SYNE1: variants seen among roughly 807,000 people sequenced by gnomAD.
SYNE1 encodes the protein spectrin repeat containing nuclear envelope protein 1, also known as nesprin-1.
Under a neutral mutation model 1,111.0 loss-of-function variants are expected in SYNE1, and 616 were observed. The observed-to-expected ratio is 0.55, with a 90% confidence interval of 0.52 to 0.59. The LOEUF (loss-of-function observed/expected upper bound fraction) is 0.59, where lower values mean the gene tolerates loss of function less well. SYNE1 is among the 20% of genes least tolerant of loss of function. The pLI is 0.00. For synonymous variants in SYNE1, 3,855 were observed against 3,825.8 expected (o/e 1.01, Z -0.28); for missense variants, 10,006 against 10,417.0 (o/e 0.96, Z 1.72).
chr6:152,434,104 G>A, intron 33 of SYNE1, 159 bp from the exon 34 acceptor site: 1 of 662,150 alleles, frequency 1.5e-6, no homozygotes, highest in South Asian at 2.0e-5. Flanking sequence ...CAGTTGTTCT[G>A]AGTAGTTTAT....
chr6:152,336,305 T>C (rs1300516583), intron 76 of SYNE1: 2 of 180,384 alleles, frequency 1.1e-5, no homozygotes, highest in African/African-American at 4.8e-5. Context: ...AGTAATATAT[T>C]TGAATGTCTA....
chr6:152,495,944 T>A (rs1191321504), intron 11 of SYNE1, among the ~76,000 whole-genome samples: 1 of 152,208 alleles, frequency 6.6e-6, no homozygotes, highest in Non-Finnish European at 1.5e-5. Flanking sequence ...ATTTCTTTTG[T>A]GGCACAGAAA....
At chr6:152,527,975 AAT>A (rs1344516419) in intron 4 of SYNE1, among the ~76,000 whole-genome samples, 1 of 152,072 alleles carries the variant, frequency 6.6e-6, no homozygotes, top group Non-Finnish European at 1.5e-5. Flanking sequence ...AGGCTCCTGG[AAT>A]TGGCCTTCCG....
intron 3 of SYNE1, among the ~76,000 whole-genome samples, chr6:152,542,554 A>T (rs1191249787): frequency 2.0e-5 from 3 of 152,132 alleles, no homozygotes; most frequent in Non-Finnish European, 4.4e-5. Flanking sequence ...ATCTATGAGC[A>T]GCAACTATTA....
At chr6:152,398,465 T>C (rs2097768118) in intron 49 of SYNE1, among the ~76,000 whole-genome samples, 154 bp downstream of exon 49, 1 of 152,242 alleles carries the variant, frequency 6.6e-6, no homozygotes, top group Non-Finnish European at 1.5e-5. Flanking sequence ...ACTTATCATG[T>C]TGTCTATTTC....
chr6:152,143,821 C>A, intron 137 of SYNE1, 56 bp from the exon 138 acceptor site: 1 of 1,611,712 alleles, frequency 6.2e-7, no homozygotes, highest in Non-Finnish European at 8.5e-7. Flanking sequence ...TTATTTAAAG[C>A]TTGATATTCA....
intron 68 of SYNE1, 65 bp downstream of exon 68, chr6:152,353,524 A>G (rs2096778621): frequency 1.2e-6 from 2 of 1,613,882 alleles, no homozygotes; most frequent in Non-Finnish European, 1.7e-6. Flanking sequence ...GATGTTAGTG[A>G]AAGGAAGGCT....
chr6:152,360,552 T>C (rs1335266133), intron 64 of SYNE1, among the ~76,000 whole-genome samples: 1 of 152,176 alleles, frequency 6.6e-6, no homozygotes, highest in Non-Finnish European at 1.5e-5. Flanking sequence ...ACTTTTTTTT[T>C]CTTCATAGTA....
At chr6:152,527,986 C>T (rs908224285) in intron 4 of SYNE1, among the ~76,000 whole-genome samples, 1 of 152,128 alleles carries the variant, frequency 6.6e-6, no homozygotes, top group Non-Finnish European at 1.5e-5. Context: ...ATTGGCCTTC[C>T]GATCAGCAGC....
intron 77 of SYNE1, among the ~76,000 whole-genome samples, chr6:152,332,165 G>A (rs2096264075): frequency 6.6e-6 from 1 of 152,030 alleles, no homozygotes; most frequent in Non-Finnish European, 1.5e-5. Context: ...GTAGAGACAG[G>A]GTTTCACCAT....
chr6:152,293,709 C>T lies in SYNE1; in HGVS notation c.17891G>A (p.Arg5964His), dbSNP rs148830831. The T allele has an allele frequency of 1.1e-5, 17 of 1,614,010 alleles. No homozygotes were observed. The highest frequency in any genetic ancestry group is 1.3e-5 in the Non-Finnish European group (15 of 1,180,032). The change falls in exon 95 of 146, where the codon CGC becomes CAC. Residue 5964 changes from arginine to histidine, a missense_variant. Physicochemically the swap from Arg to His is conservative, Grantham distance 29. Around this residue, in one of 7 missense-constraint regions of SYNE1, gnomAD observed 4,955 missense variants for 5,017.2 expected, o/e 0.99. Transcript: ENST00000367255. ...GAGGGAGTCCTGGTACTTCTGCTGG[C>T]GTTCCAAAGCTTCATAGAGTGTGCG... ...KQRTLYEALE[R>H]QQKYQDSLQS...
chr6:152,335,219 T>C (rs922565621), intron 76 of SYNE1: 7 of 152,218 alleles, frequency 4.6e-5, no homozygotes, highest in Non-Finnish European at 8.8e-5. Context: ...CCCTGACTGA[T>C]ATATGAAATT....
At chr6:152,186,538 A>C (rs1255892568) in intron 128 of SYNE1, among the ~76,000 whole-genome samples, 1 of 136,866 alleles carries the variant, frequency 7.3e-6, no homozygotes, top group Non-Finnish European at 1.5e-5. Flanking sequence ...CCTGGGCAAC[A>C]AGAGAGCAGC....
chr6:152,629,272 C>T (rs1388462993), intron 2 of SYNE1, among the ~76,000 whole-genome samples: 1 of 151,750 alleles, frequency 6.6e-6, no homozygotes, highest in Admixed American at 6.6e-5. Flanking sequence ...GGTACAGTGG[C>T]GTGATCTCAG....
rs747867809 is a variant in SYNE1 at position 152,223,681 on chromosome 6, G to A, written c.21522+813C>T. ...GGGAGGGGAGAAGAGGGGAGGAGAG[G>A]AAGGCAGGCTGCATCTGAGGTCAGC... On this transcript the variant is annotated intron_variant, in intron 117 of 145. Coordinates refer to ENST00000367255, the MANE Select transcript of SYNE1 (RefSeq NM_182961.4). 5.1e-4 allele frequency among the ~76,000 whole-genome samples: 77 copies of A among 152,116 alleles called. No homozygotes were observed. The Middle Eastern group carries it at 0.021, about 41-fold the overall frequency.
intron 145 of SYNE1, chr6:152,129,531 T>C (rs2054735015): frequency 6.7e-6 from 1 of 150,006 alleles, no homozygotes; most frequent in Non-Finnish European, 1.5e-5. Context: ...TTCTCCATAC[T>C]TTATTATTGC....
intron 126 of SYNE1, among the ~76,000 whole-genome samples, chr6:152,204,446 T>G (rs545832509): frequency 8.0e-5 from 12 of 150,798 alleles, no homozygotes; most frequent in African/African-American, 2.9e-4. Flanking sequence ...AATTAAGAGA[T>G]GATAGTGAAG....
intron 53 of SYNE1, 52 bp from the exon 54 acceptor site, chr6:152,387,433 T>C (rs2097540855): frequency 6.4e-7 from 1 of 1,571,858 alleles, no homozygotes; most frequent in African/African-American, 1.3e-5. Context: ...ACATCTCTAC[T>C]GAAAACCAAT....
At chr6:152,293,036 A>G (rs2094686363) in intron 95 of SYNE1, among the ~76,000 whole-genome samples, 1 of 152,236 alleles carries the variant, frequency 6.6e-6, no homozygotes, top group Non-Finnish European at 1.5e-5. Context: ...TAATGTAATG[A>G]TCTCTGTTTT....
Sources: allele counts gnomAD v4.1 joint callset (sites outside exome capture counted in the v4.1 genomes callset), GRCh38; gene constraint gnomAD v4.1.1; regional missense constraint gnomAD v4.1.1; transcripts MANE v1.5; gene names NCBI Gene and HGNC (gene_info 2026-07-23, HGNC 2026-07-21).